The following DENND4A variants were observed in gnomAD, a reference collection of about 807,000 sequenced individuals.
The protein encoded by DENND4A is DENN domain containing 4A.
In DENND4A, 70 loss-of-function variants were observed where a neutral mutation model predicts 199.3. The observed-to-expected ratio is 0.35, with a 90% CI of 0.29 to 0.43. The LOEUF (loss-of-function observed/expected upper bound fraction) is 0.43, where lower values mean the gene tolerates loss of function less well. Ranked by LOEUF, DENND4A falls within the 20% of genes least tolerant of loss-of-function variation. The pLI, the probability that DENND4A is intolerant of heterozygous loss-of-function variation, is 1.00. For synonymous variants in DENND4A, 686 were observed against 766.9 expected (o/e 0.89, Z 1.74); for missense variants, 1,723 against 2,255.8 (o/e 0.76, Z 4.78).
intron 14 of DENND4A, among the ~76,000 whole-genome samples, chr15:65,710,314 C>T (rs1021941065): frequency 1.3e-5 from 2 of 152,186 alleles, no homozygotes; most frequent in Non-Finnish European, 2.9e-5. Flanking sequence ...TCTCTTCTCA[C>T]TGTTATTTGG....
intron 1 of DENND4A, among the ~76,000 whole-genome samples, chr15:65,789,523 A>G (rs79463230): frequency 1.3e-5 from 2 of 148,540 alleles, no homozygotes; most frequent in East Asian, 2.1e-4. Flanking sequence ...AAAAAAAAAA[A>G]GGAAGAAAAA....
In DENND4A at chr15:65,757,374, C is replaced by T. The variant is rs74021823; in HGVS notation, c.-22-902G>A. 7.6e-3 allele frequency among the ~76,000 whole-genome samples: 1,148 copies of T among 152,000 alleles called. 14 individuals carry two copies. Among genetic ancestry groups the T allele is most frequent in the African/African-American group, 0.027 (1,104 of 41,446 alleles). On this transcript the variant is annotated intron_variant, in intron 2 of 32. Coordinates refer to ENST00000443035, the MANE Select transcript of DENND4A (RefSeq NM_001320835.1). ...CTGGGATTACAGGCATAAGCCACTG[C>T]ACCTGATCCGGCTTGTGTTTTAGAA...
At position 65,669,994 on chromosome 15, in the gene DENND4A, AG is replaced by A. The variant is rs760034089; in HGVS notation, c.4640+18del. 1 of 1,592,728 alleles carries A rather than the reference AG, an allele frequency of 6.3e-7. No individual in the cohort carries two copies. The highest frequency in any genetic ancestry group is 1.1e-5 in the South Asian group (1 of 88,528). On this transcript the variant is annotated intron_variant, in intron 26 of 32. Coordinates refer to ENST00000443035, the MANE Select transcript of DENND4A (RefSeq NM_001320835.1). The stretch of plus-strand genomic sequence containing the variant: ...TAGGGAACATGATCCTTAAACATGA[AG>A]GAAAAAAATATCATTACCTTCCAGG...
rs1255649742 is a variant in DENND4A at position 65,756,307 on chromosome 15, A to G, written c.144T>C (p.Val48=). 1.9e-6 allele frequency: 3 copies of G among 1,613,644 alleles called. No individual in the cohort carries two copies. The highest frequency in any genetic ancestry group is 2.5e-6 in the Non-Finnish European group (3 of 1,179,760). ...VAKPKEPITD[V]SVIIKSLGEE... is the part of the protein sequence containing the mutation. ...CCCCAAGAGATTTGATAATAACTGA[A>G]ACATCTGTAATAGGTTCTTTTGGTT... The change falls in exon 3 of 33, where the codon GTT becomes GTC. Residue 48 remains valine, a synonymous_variant. Coordinates refer to ENST00000443035, the MANE Select transcript of DENND4A (RefSeq NM_001320835.1).
At chr15:65,771,510 A>G (rs1436945671) in intron 1 of DENND4A, 2 of 1,611,502 alleles carry the variant, frequency 1.2e-6, no homozygotes, top group East Asian at 2.2e-5. Context: ...CAGACCATCA[A>G]CTGGCTTAAT....
At chr15:65,781,812 T>C (rs1284017085) in intron 1 of DENND4A, among the ~76,000 whole-genome samples, 1 of 152,146 alleles carries the variant, frequency 6.6e-6, no homozygotes, top group East Asian at 1.9e-4. Flanking sequence ...GGGATAACTG[T>C]AACTTAGAAC....
intron 21 of DENND4A, chr15:65,696,832 A>G: frequency 3.5e-6 from 1 of 282,372 alleles, no homozygotes. Context: ...TTCTTTTTTC[A>G]GGTCAGATGG....
chr15:65,735,823 G>C (rs1038007496), intron 7 of DENND4A, among the ~76,000 whole-genome samples: 5 of 152,106 alleles, frequency 3.3e-5, no homozygotes, highest in African/African-American at 1.2e-4. Flanking sequence ...AGGTGTGGTG[G>C]CTCACACCTG....
At chr15:65,728,259 T>C (rs1248850730) in intron 11 of DENND4A, among the ~76,000 whole-genome samples, 2 of 152,126 alleles carry the variant, frequency 1.3e-5, no homozygotes, top group Non-Finnish European at 2.9e-5. Context: ...CACCTTGGCT[T>C]CCCAAAGTGC....
chr15:65,741,664 G>A, intron 5 of DENND4A, 51 bp downstream of exon 5: 1 of 1,501,998 alleles, frequency 6.7e-7, no homozygotes, highest in Non-Finnish European at 9.2e-7. Flanking sequence ...AACCTTTCCG[G>A]GCCCTATAAT....
rs77421887 is a variant in DENND4A at position 65,706,447 on chromosome 15, A to AACACAC, written c.1954-229_1954-224dup. On this transcript the variant is annotated intron_variant, in intron 14 of 32. Coordinates refer to ENST00000443035, the MANE Select transcript of DENND4A (RefSeq NM_001320835.1). ...CTTTTGAATAAGAAAAGGGGAAAAT[A>AACACAC]ACACACACACACACACACACACACA... Among the ~76,000 whole-genome samples the AACACAC allele has an allele frequency of 1.5e-3, 197 of 130,318 alleles. 1 individual carries two copies. The highest frequency in any genetic ancestry group is 2.3e-3 in the South Asian group (9 of 3,996). 85.5% of individuals were successfully genotyped at this position (130,318 alleles called of 152,430 possible).
At chr15:65,700,913 G>C in intron 19 of DENND4A, 138 bp downstream of exon 19, 1 of 1,013,990 alleles carries the variant, frequency 9.9e-7, no homozygotes, top group Non-Finnish European at 1.4e-6. Context: ...TTTTTAAATG[G>C]GAAGAGTAAT....
intron 4 of DENND4A, among the ~76,000 whole-genome samples, chr15:65,750,397 T>G (rs1437973628): frequency 1.3e-5 from 2 of 152,152 alleles, no homozygotes; most frequent in Non-Finnish European, 2.9e-5. Context: ...GCTCACTATC[T>G]GGGTGATGGG....
At chr15:65,753,767 C>A (rs2076627168) in intron 3 of DENND4A, 1 of 151,708 alleles carries the variant, frequency 6.6e-6, no homozygotes, top group South Asian at 2.1e-4. Flanking sequence ...ATCAATATTT[C>A]TCATATAAAA....
intron 1 of DENND4A, among the ~76,000 whole-genome samples, chr15:65,778,256 G>A (rs1348599560): frequency 6.6e-6 from 1 of 151,890 alleles, no homozygotes; most frequent in Admixed American, 6.6e-5. Context: ...ATTTTTTAAA[G>A]AAAAATAATA....
intron 24 of DENND4A, among the ~76,000 whole-genome samples, chr15:65,674,998 C>G (rs1261234632): frequency 6.6e-6 from 1 of 152,090 alleles, no homozygotes; most frequent in Admixed American, 6.5e-5. Flanking sequence ...ATTCCTTATA[C>G]TTTTGCATGT....
intron 1 of DENND4A, among the ~76,000 whole-genome samples, chr15:65,785,109 G>A (rs1011868335): frequency 6.6e-6 from 1 of 150,820 alleles, no homozygotes; most frequent in African/African-American, 2.4e-5. Flanking sequence ...CTGGGTGACA[G>A]AACGAGACTC....
chr15:65,771,447 T>A, intron 1 of DENND4A: 1 of 1,602,400 alleles, frequency 6.2e-7, no homozygotes, highest in South Asian at 1.1e-5. Flanking sequence ...TCTGTCTGCG[T>A]TTTAATAGTT....
chr15:65,668,334 G>A (rs1215893307), intron 27 of DENND4A, among the ~76,000 whole-genome samples: 2 of 151,450 alleles, frequency 1.3e-5, no homozygotes, highest in Non-Finnish European at 2.9e-5. Context: ...TCAGCCTCCC[G>A]AGTGGCTGGG....
Sources: gnomAD v4.1 joint callset for allele counts (sites outside exome capture counted in the v4.1 genomes callset) on GRCh38, gnomAD v4.1.1 for gene constraint, MANE v1.5 for transcripts, NCBI Gene and HGNC (gene_info 2026-07-23, HGNC 2026-07-21) for gene names.